MAPK10: variants seen among roughly 807,000 people sequenced by gnomAD.
MAPK10 encodes the protein mitogen-activated protein kinase 10.
MAPK10 carries 25 observed loss-of-function variants against 59.3 expected under a neutral mutation model. The ratio of observed to expected loss-of-function variants is 0.42; its 90% confidence interval spans 0.31 to 0.59. MAPK10 has a LOEUF of 0.59. Among genes scored for constraint, MAPK10 ranks in the 20% least tolerant of loss-of-function variants. MAPK10 has a pLI of 0.15. For missense variants in MAPK10, 351 were observed against 568.9 expected, an observed-to-expected ratio of 0.62 and a Z score of 3.90; for synonymous variants, 190 against 200.5, an observed-to-expected ratio of 0.95 and a Z score of 0.44.
intron 2 of MAPK10, among the ~76,000 whole-genome samples, chr4:86,212,993 C>T (rs905760336): frequency 6.6e-6 from 1 of 152,124 alleles, no homozygotes; most frequent in Non-Finnish European, 1.5e-5. Context: ...AGATATAATA[C>T]ACTATTTTCT....
intron 1 of MAPK10, among the ~76,000 whole-genome samples, chr4:86,495,918 C>CA (rs1274017937): frequency 6.6e-6 from 1 of 151,768 alleles, no homozygotes; most frequent in Non-Finnish European, 1.5e-5. Flanking sequence ...AATTTTTACC[C>CA]AAAAAAACTA....
At chr4:86,238,244 T>C (rs1429628644) in intron 2 of MAPK10, among the ~76,000 whole-genome samples, 1 of 152,226 alleles carries the variant, frequency 6.6e-6, no homozygotes, top group Non-Finnish European at 1.5e-5. Flanking sequence ...TTTTGGTTAC[T>C]GTAGCCTTGT....
At chr4:86,410,306 T>G (rs1028221104) in intron 1 of MAPK10, among the ~76,000 whole-genome samples, 5 of 152,224 alleles carry the variant, frequency 3.3e-5, no homozygotes, top group Admixed American at 2.6e-4. Context: ...AGTTTGCCAG[T>G]ATTTTATTGA....
intron 3 of MAPK10, among the ~76,000 whole-genome samples, chr4:86,169,308 A>C (rs998441788): frequency 2.0e-5 from 3 of 152,154 alleles, no homozygotes; most frequent in African/African-American, 4.8e-5. Context: ...AGAAGTTAAA[A>C]CCTTTGAAAA....
intron 2 of MAPK10, among the ~76,000 whole-genome samples, chr4:86,269,613 T>G (rs2094367541): frequency 6.6e-6 from 1 of 152,104 alleles, no homozygotes; most frequent in Non-Finnish European, 1.5e-5. Context: ...ATTCACATTA[T>G]TTTTTCCTCC....
chr4:86,385,280 C>T (rs1741314609), intron 1 of MAPK10, among the ~76,000 whole-genome samples: 1 of 152,084 alleles, frequency 6.6e-6, no homozygotes, highest in African/African-American at 2.4e-5. Flanking sequence ...TTTTAGTTTA[C>T]CAACCATTGC....
At chr4:86,145,691 T>C (rs2064814552) in intron 4 of MAPK10, among the ~76,000 whole-genome samples, 1 of 152,168 alleles carries the variant, frequency 6.6e-6, no homozygotes. Context: ...GTATCTGTCA[T>C]CTATTTCTCT....
chr4:86,222,237 A>G (rs958749074), intron 2 of MAPK10, among the ~76,000 whole-genome samples: 2 of 152,176 alleles, frequency 1.3e-5, no homozygotes, highest in Non-Finnish European at 2.9e-5. Flanking sequence ...CAGTGAAAAA[A>G]CAGACTAATA....
intron 11 of MAPK10, among the ~76,000 whole-genome samples, chr4:86,035,100 G>C (rs2039940870): frequency 2.0e-5 from 3 of 152,240 alleles, no homozygotes; most frequent in Non-Finnish European, 4.4e-5. Context: ...GCCAGGCGCT[G>C]TGGCTCATGC....
At chr4:86,088,083 A>G (rs2052310720) in intron 9 of MAPK10, among the ~76,000 whole-genome samples, 1 of 152,176 alleles carries the variant, frequency 6.6e-6, no homozygotes, top group Non-Finnish European at 1.5e-5. Flanking sequence ...GTAGAGGGAT[A>G]TTTAACAGGA....
At chr4:86,056,482 T>C (rs1184821611) in intron 11 of MAPK10, among the ~76,000 whole-genome samples, 1 of 150,108 alleles carries the variant, frequency 6.7e-6, no homozygotes, top group Non-Finnish European at 1.5e-5. Context: ...CAGGAATTTA[T>C]TATGGATTCA....
intron 2 of MAPK10, among the ~76,000 whole-genome samples, chr4:86,253,275 GT>G (rs2093547364): frequency 2.5e-5 from 1 of 39,824 alleles, no homozygotes; most frequent in Admixed American, 2.8e-4. Flanking sequence ...AATGCTTCCA[GT>G]TTTTGCCCAT....
intron 4 of MAPK10, among the ~76,000 whole-genome samples, chr4:86,133,675 A>G (rs559450662): frequency 6.6e-6 from 1 of 152,346 alleles, no homozygotes; most frequent in Admixed American, 6.5e-5. Context: ...AATCTATCAC[A>G]CTTAGCCAGA....
At chr4:86,183,891 A>T (rs1045667418) in intron 3 of MAPK10, among the ~76,000 whole-genome samples, 15 of 152,134 alleles carry the variant, frequency 9.9e-5, no homozygotes, top group South Asian at 2.1e-4. Flanking sequence ...TGATGGCCAG[A>T]GATGATGAGC....
intron 1 of MAPK10, among the ~76,000 whole-genome samples, chr4:86,488,901 G>C (rs1012620084): frequency 6.6e-6 from 1 of 152,176 alleles, no homozygotes; most frequent in Non-Finnish European, 1.5e-5. Flanking sequence ...TTTTGAATCT[G>C]GGTTTGGCCA....
chr4:86,473,220 T>C (rs1317908327), intron 1 of MAPK10, among the ~76,000 whole-genome samples: 2 of 152,174 alleles, frequency 1.3e-5, no homozygotes, highest in African/African-American at 4.8e-5. Context: ...GAAATTGTGG[T>C]CTTAAAATAT....
At chr4:86,101,812 G>GC in intron 7 of MAPK10, 82 bp downstream of exon 7, 2 of 1,401,746 alleles carry the variant, frequency 1.4e-6, no homozygotes, top group Non-Finnish European at 1.0e-6. Context: ...TTTGACCAAT[G>GC]CCCCCCGTAT....
chr4:86,328,901 G>A (rs1355101783), intron 2 of MAPK10, among the ~76,000 whole-genome samples: 1 of 152,106 alleles, frequency 6.6e-6, no homozygotes, highest in Non-Finnish European at 1.5e-5. Flanking sequence ...CTTAACGCAC[G>A]AGGGGGCATC....
chr4:86,107,471 T>C, intron 4 of MAPK10, 119 bp from the exon 5 acceptor site: 1 of 1,401,750 alleles, frequency 7.1e-7, no homozygotes, highest in Non-Finnish European at 9.3e-7. Context: ...TACTGTCTAC[T>C]CTGGTCACAT....
Sources: allele counts gnomAD v4.1 joint callset (sites outside exome capture counted in the v4.1 genomes callset), GRCh38; gene constraint gnomAD v4.1.1; transcripts MANE v1.5; gene names NCBI Gene and HGNC (gene_info 2026-07-23, HGNC 2026-07-21).